ARMH4: variants seen among roughly 807,000 people sequenced by gnomAD.
ARMH4 encodes the protein armadillo-like helical domain-containing protein 4.
In ARMH4, 49 loss-of-function variants were observed where a neutral mutation model predicts 61.9. The ratio of observed to expected loss-of-function variants is 0.79; its 90% CI spans 0.63 to 1.00. The LOEUF (loss-of-function observed/expected upper bound fraction) is 1.00, where lower values mean the gene tolerates loss of function less well. Ranked by LOEUF, ARMH4 falls within the 50% of genes least tolerant of loss-of-function variation. ARMH4 has a pLI of 0.00. For missense variants in ARMH4, 934 were observed against 930.0 expected, an observed-to-expected ratio of 1.00 and a Z score of -0.06; for synonymous variants, 368 against 341.5, an observed-to-expected ratio of 1.08 and a Z score of -0.85.
At chr14:58,127,382 C>T (rs983064527) in intron 4 of ARMH4, among the ~76,000 whole-genome samples, 1 of 152,084 alleles carries the variant, frequency 6.6e-6, no homozygotes, top group African/African-American at 2.4e-5. Context: ...AGGGCAGTTC[C>T]CCTATACAAG....
rs1430374343 is a variant in ARMH4, at chr14:58,002,930, A to G, written c.*1806T>C. The G allele has an allele frequency of 6.6e-6, 1 of 152,244 alleles. No homozygotes were observed. Among genetic ancestry groups the G allele is most frequent in the Admixed American group, 6.5e-5 (1 of 15,282 alleles). 9.4% of individuals were successfully genotyped at this position (152,244 alleles called of 1,614,324 possible). Reference sequence around the variant, plus strand: ...ACATCTCTTGGCAAAAAGAGTTAAAATTATTTGATGAAAATGTTCTTGTGA... The same window carrying G: ...ACATCTCTTGGCAAAAAGAGTTAAAGTTATTTGATGAAAATGTTCTTGTGA... On this transcript the variant is annotated 3_prime_UTR_variant, in exon 8 of 8. Transcript: ENST00000267485.
Position 58,115,710 on chromosome 14 carries a change from AT to A in ARMH4, c.1831+15801del, listed in dbSNP as rs559823761. ...GTAGACTAACGAAAATGTGATACAT[AT>A]ACACCATGGAATACTATGCAGCCAT... is the stretch of plus-strand genomic sequence containing the variant. On this transcript the variant is annotated intron_variant, in intron 4 of 7. Transcript: ENST00000267485. Among the ~76,000 whole-genome samples, 99 of 152,328 alleles carry A rather than the reference AT, an allele frequency of 6.5e-4. No individual in the cohort carries two copies. In the South Asian group the frequency reaches 0.017, roughly 27 times the overall value.
At chr14:58,118,030 C>T (rs1212670959) in intron 4 of ARMH4, among the ~76,000 whole-genome samples, 1 of 152,124 alleles carries the variant, frequency 6.6e-6, no homozygotes, top group Non-Finnish European at 1.5e-5. Context: ...TCCCAAAGTG[C>T]TGGGAGAGAG....
At chr14:58,067,032 T>C (rs1214672217) in intron 5 of ARMH4, among the ~76,000 whole-genome samples, 1 of 152,228 alleles carries the variant, frequency 6.6e-6, no homozygotes, top group Non-Finnish European at 1.5e-5. Flanking sequence ...GAAAAAAGAC[T>C]GGAAGAGAAT....
intron 5 of ARMH4, among the ~76,000 whole-genome samples, chr14:58,017,577 A>C (rs770866337): frequency 6.6e-6 from 1 of 152,218 alleles, no homozygotes; most frequent in Non-Finnish European, 1.5e-5. Flanking sequence ...TTAATCAAGG[A>C]GGTGAAAGAC....
chr14:58,012,941 T>C (rs1411759375), intron 5 of ARMH4, among the ~76,000 whole-genome samples: 1 of 145,158 alleles, frequency 6.9e-6, no homozygotes, highest in Non-Finnish European at 1.5e-5. Context: ...GGTGGTTTTT[T>C]ACCCTAATTA....
chr14:58,008,948 T>C (rs1046673266), intron 6 of ARMH4, among the ~76,000 whole-genome samples: 6 of 152,196 alleles, frequency 3.9e-5, no homozygotes, highest in Non-Finnish European at 8.8e-5. Flanking sequence ...TCTTCAGTTT[T>C]GAAAATCAGT....
intron 1 of ARMH4, among the ~76,000 whole-genome samples, chr14:58,144,083 T>C (rs1029137198): frequency 1.3e-5 from 2 of 152,188 alleles, no homozygotes; most frequent in Non-Finnish European, 2.9e-5. Flanking sequence ...CACACTGTTC[T>C]TTTTAAAAAA....
chr14:58,114,992 G>T (rs957244170), intron 4 of ARMH4, among the ~76,000 whole-genome samples: 3 of 152,092 alleles, frequency 2.0e-5, no homozygotes, highest in Non-Finnish European at 4.4e-5. Flanking sequence ...AAAAATCCTA[G>T]AAGAAAATCT....
intron 5 of ARMH4, among the ~76,000 whole-genome samples, chr14:58,089,821 G>A (rs2141253837): frequency 6.6e-6 from 1 of 152,294 alleles, no homozygotes; most frequent in Admixed American, 6.5e-5. Context: ...CTCAAAGCAA[G>A]CCCTGGTGAT....
chr14:58,023,943 T>G, intron 5 of ARMH4, among the ~76,000 whole-genome samples: 1 of 152,182 alleles, frequency 6.6e-6, no homozygotes, highest in East Asian at 1.9e-4. Context: ...GGGCTTAAGA[T>G]ATTCAGTAAA....
chr14:58,092,207 G>C (rs752065170), intron 5 of ARMH4, among the ~76,000 whole-genome samples: 1 of 152,126 alleles, frequency 6.6e-6, no homozygotes, highest in Non-Finnish European at 1.5e-5. Flanking sequence ...AAAAATGGAG[G>C]TGATAACCTA....
intron 4 of ARMH4, among the ~76,000 whole-genome samples, chr14:58,121,763 T>C (rs1337597093): frequency 6.6e-6 from 1 of 152,176 alleles, no homozygotes; most frequent in African/African-American, 2.4e-5. Flanking sequence ...CACCAGCAAT[T>C]CTGTGTTTCA....
At chr14:58,136,990 T>C (rs1351246541) in intron 2 of ARMH4, among the ~76,000 whole-genome samples, 1 of 152,226 alleles carries the variant, frequency 6.6e-6, no homozygotes, top group African/African-American at 2.4e-5. Flanking sequence ...AAAGCTTTTT[T>C]TGTAAGAAAT....
intron 5 of ARMH4, among the ~76,000 whole-genome samples, chr14:58,044,020 G>C (rs1186371791): frequency 6.6e-6 from 1 of 152,160 alleles, no homozygotes; most frequent in Non-Finnish European, 1.5e-5. Context: ...AATCAATATA[G>C]TGAAAATGGC....
At chr14:58,104,411 C>T (rs182792264) in intron 4 of ARMH4, among the ~76,000 whole-genome samples, 6 of 152,262 alleles carry the variant, frequency 3.9e-5, no homozygotes, top group Non-Finnish European at 8.8e-5. Flanking sequence ...ATAGAGCTAG[C>T]CTGAGAAGAC....
chr14:58,089,772 G>A (rs778122862), intron 5 of ARMH4, among the ~76,000 whole-genome samples: 23 of 152,192 alleles, frequency 1.5e-4, no homozygotes, highest in Non-Finnish European at 2.5e-4. Context: ...ATCAGACAGC[G>A]CATCCTTGAA....
chr14:58,105,187 A>G (rs1886130637), intron 4 of ARMH4, among the ~76,000 whole-genome samples: 1 of 152,230 alleles, frequency 6.6e-6, no homozygotes, highest in African/African-American at 2.4e-5. Flanking sequence ...AAGAACTAAA[A>G]TTAAAGAACT....
At chr14:58,014,584 G>A (rs977478215) in intron 5 of ARMH4, among the ~76,000 whole-genome samples, 1 of 152,156 alleles carries the variant, frequency 6.6e-6, no homozygotes, top group Admixed American at 6.5e-5. Context: ...CGAGTATTTT[G>A]TAAATACGTC....
Sources: gnomAD v4.1 joint callset for allele counts (sites outside exome capture counted in the v4.1 genomes callset) on GRCh38, gnomAD v4.1.1 for gene constraint, MANE v1.5 for transcripts, NCBI Gene and HGNC (gene_info 2026-07-23, HGNC 2026-07-21) for gene names.